The following BMPR1B variants were observed in gnomAD, a reference collection of about 807,000 sequenced individuals.
BMPR1B encodes bone morphogenetic protein receptor type-1B.
Under a neutral mutation model 59.1 loss-of-function variants are expected in BMPR1B, and 12 were observed. That is an observed-to-expected ratio of 0.20 (90% CI 0.13 to 0.33). BMPR1B has a LOEUF of 0.33. Ranked by LOEUF, BMPR1B falls within the 10% of genes least tolerant of loss-of-function variation. BMPR1B has a pLI of 1.00. For missense variants in BMPR1B, 550 were observed against 610.9 expected, an observed-to-expected ratio of 0.90 and a Z score of 1.05; for synonymous variants, 237 against 207.3, an observed-to-expected ratio of 1.14 and a Z score of -1.23.
intron 2 of BMPR1B, among the ~76,000 whole-genome samples, chr4:94,962,077 TTCCTTCC>T (rs1409276205): frequency 2.7e-4 from 9 of 32,800 alleles, no homozygotes; most frequent in Non-Finnish European, 6.3e-4. Context: ...TTTTCTTTCC[TTCCTTCC>T]TTCCTTCCTT....
At chr4:94,947,728 T>TA (rs1241570277) in intron 2 of BMPR1B, among the ~76,000 whole-genome samples, 1 of 152,186 alleles carries the variant, frequency 6.6e-6, no homozygotes, top group Non-Finnish European at 1.5e-5. Context: ...AAGATTTACT[T>TA]ACGTATTGTC....
chr4:94,821,688 C>T (rs867537640), intron 1 of BMPR1B, among the ~76,000 whole-genome samples: 18 of 151,966 alleles, frequency 1.2e-4, no homozygotes, highest in Non-Finnish European at 2.6e-4. Flanking sequence ...GATATGGGAG[C>T]GAATGAGATA....
intron 3 of BMPR1B, among the ~76,000 whole-genome samples, chr4:95,026,102 C>CTTTCTTTCTTTCTTTT (rs1560602832): frequency 1.8e-4 from 22 of 120,442 alleles, no homozygotes; most frequent in Non-Finnish European, 3.1e-4. Context: ...TCTTTCATTT[C>CTTTCTTTCTTTCTTTT]TTTCTTTCTT....
At chr4:95,095,528 T>G (rs763191279) in intron 3 of BMPR1B, among the ~76,000 whole-genome samples, 1 of 152,102 alleles carries the variant, frequency 6.6e-6, no homozygotes, top group Non-Finnish European at 1.5e-5. Flanking sequence ...GAATTTCAAT[T>G]TCTCTTCTTG....
At chr4:94,761,977 G>C (rs1219527635) in intron 1 of BMPR1B, among the ~76,000 whole-genome samples, 1 of 152,110 alleles carries the variant, frequency 6.6e-6, no homozygotes, top group Non-Finnish European at 1.5e-5. Flanking sequence ...AAACTTTTTA[G>C]GCATAGAGTA....
Position 94,863,065 on chromosome 4 carries a change from G to A in BMPR1B, c.-182-12766G>A, listed in dbSNP as rs1434402246. Among the ~76,000 whole-genome samples the A allele has an allele frequency of 3.3e-5, 5 of 151,910 alleles. No homozygotes were observed. The East Asian group carries it at 7.7e-4, about 24-fold the overall frequency. ...CTGGAGGCAGAGGTTGCAGTGAGCC[G>A]AGATCGCGCCACTGCACTCCAGCCT... is the stretch of plus-strand genomic sequence containing the variant. On this transcript the variant is annotated intron_variant, in intron 1 of 12. Transcript: ENST00000515059.
At position 95,071,477 on chromosome 4, in the gene BMPR1B, T is replaced by C. The variant is rs574738552; in HGVS notation, c.-17-32931T>C. Among the ~76,000 whole-genome samples, 2 of 152,050 alleles carry C rather than the reference T, an allele frequency of 1.3e-5. 1 individual carries two copies. The highest frequency in any genetic ancestry group is 4.1e-4 in the South Asian group (2 of 4,828). On this transcript the variant is annotated intron_variant, in intron 3 of 12. Coordinates refer to ENST00000515059, the MANE Select transcript of BMPR1B (RefSeq NM_001203.3). ...TTATTTGAATGGAATCTTTGCTGTTTAATCTCATACTGATACTTTGCAGTA... is the reference window on the plus strand; with the variant it reads ...TTATTTGAATGGAATCTTTGCTGTTCAATCTCATACTGATACTTTGCAGTA...
chr4:95,153,062 TA>T (rs1392518770), intron 12 of BMPR1B, among the ~76,000 whole-genome samples: 2 of 152,220 alleles, frequency 1.3e-5, no homozygotes, highest in African/African-American at 4.8e-5. Context: ...GACATTTGCA[TA>T]AAACCTATTA....
At chr4:95,130,824 A>C (rs912981931) in intron 9 of BMPR1B, among the ~76,000 whole-genome samples, 8 of 137,744 alleles carry the variant, frequency 5.8e-5, no homozygotes, top group Non-Finnish European at 1.1e-4. Context: ...TCTGCTTCCC[A>C]GGTTAAAGCA....
At chr4:94,994,015 A>G (rs540323934) in intron 2 of BMPR1B, among the ~76,000 whole-genome samples, 2 of 152,318 alleles carry the variant, frequency 1.3e-5, no homozygotes, top group African/African-American at 2.4e-5. Context: ...TAAAATGTCA[A>G]TATTTCCAAT....
intron 1 of BMPR1B, among the ~76,000 whole-genome samples, chr4:94,799,492 C>A (rs748269016): frequency 6.6e-6 from 1 of 151,410 alleles, no homozygotes; most frequent in East Asian, 2.0e-4. Flanking sequence ...TTAGTAGAGA[C>A]GGGGTTTCAC....
chr4:94,977,479 CTT>C (rs5741894), intron 2 of BMPR1B, among the ~76,000 whole-genome samples: 75,882 of 138,862 alleles, frequency 0.55, 20,588 homozygotes, highest in East Asian at 0.84. Flanking sequence ...AGCAAGATGC[CTT>C]TTTTTTTTTT....
intron 1 of BMPR1B, among the ~76,000 whole-genome samples, chr4:94,763,641 C>G (rs1721863175): frequency 6.6e-6 from 1 of 152,132 alleles, no homozygotes; most frequent in African/African-American, 2.4e-5. Context: ...ACATTTTAGT[C>G]ATTTTTATAG....
intron 7 of BMPR1B, 61 bp downstream of exon 7, chr4:95,123,967 T>C (rs1732722304): frequency 8.3e-7 from 1 of 1,208,726 alleles, no homozygotes; most frequent in Non-Finnish European, 1.2e-6. Context: ...TTTACTAATA[T>C]TCTGCTTTTG....
chr4:94,964,537 G>C (rs1011212547), intron 2 of BMPR1B, among the ~76,000 whole-genome samples: 3 of 152,150 alleles, frequency 2.0e-5, no homozygotes, highest in Non-Finnish European at 4.4e-5. Context: ...AATCACTGAT[G>C]AGGACTTGAA....
At chr4:95,010,490 A>T (rs912937535) in intron 3 of BMPR1B, among the ~76,000 whole-genome samples, 1 of 152,122 alleles carries the variant, frequency 6.6e-6, no homozygotes. Context: ...TTTGGTGTTC[A>T]GTGTCTTTTG....
rs1272430815 is a variant in BMPR1B at position 95,158,149 on chromosome 4, T to C, written c.*3476T>C. On this transcript the variant is annotated 3_prime_UTR_variant, in exon 13 of 13. Transcript: ENST00000515059. ...AAACCCAGACACATAGCAGTGGAAATGAAAGAAATGGCATCAGAAGTGACT... is the reference window on the plus strand; with the variant it reads ...AAACCCAGACACATAGCAGTGGAAACGAAAGAAATGGCATCAGAAGTGACT... The C allele has an allele frequency of 6.6e-6, 1 of 152,148 alleles. No homozygotes were observed. Among genetic ancestry groups the C allele is most frequent in the African/African-American group, 2.4e-5 (1 of 41,420 alleles). 9.4% of individuals were successfully genotyped at this position (152,148 alleles called of 1,614,324 possible).
At chr4:95,026,122 C>CTTTCTTTCT (rs1724373500) in intron 3 of BMPR1B, among the ~76,000 whole-genome samples, 1 of 144,342 alleles carries the variant, frequency 6.9e-6, no homozygotes, top group Non-Finnish European at 1.5e-5. Flanking sequence ...TTCTTTCTTT[C>CTTTCTTTCT]TTTCTTTCTT....
chr4:95,132,540 A>G (rs1039666201), intron 10 of BMPR1B, among the ~76,000 whole-genome samples: 9 of 152,160 alleles, frequency 5.9e-5, no homozygotes, highest in African/African-American at 2.2e-4. Flanking sequence ...GCAAGAGGAA[A>G]TGATTTGGGC....
Sources: allele counts gnomAD v4.1 joint callset (sites outside exome capture counted in the v4.1 genomes callset), GRCh38; gene constraint gnomAD v4.1.1; transcripts MANE v1.5; gene names NCBI Gene and HGNC (gene_info 2026-07-23, HGNC 2026-07-21).